The following PDE1A variants were observed in gnomAD, a reference collection of about 807,000 sequenced individuals.
PDE1A encodes the protein phosphodiesterase 1A.
PDE1A carries 35 observed loss-of-function variants against 61.7 expected under a neutral mutation model. That is an observed-to-expected ratio of 0.57 (90% CI 0.43 to 0.75). The LOEUF (loss-of-function observed/expected upper bound fraction) is 0.75. Among genes scored for constraint, PDE1A ranks in the 30% least tolerant of loss-of-function variants. The probability of loss-of-function intolerance (pLI) is 0.00; values close to 1 mark genes in which losing one functional copy is unlikely to be tolerated. For synonymous variants in PDE1A, 232 were observed against 213.2 expected (o/e 1.09, Z -0.77); for missense variants, 597 against 630.6 (o/e 0.95, Z 0.57).
intron 3 of PDE1A, among the ~76,000 whole-genome samples, chr2:182,234,723 G>A (rs1653090193): frequency 6.6e-6 from 1 of 152,106 alleles, no homozygotes; most frequent in African/African-American, 2.4e-5. Context: ...CAAAATTAAT[G>A]TGACTTTAGT....
At chr2:182,449,073 CACACACACACACAA>C (rs1341875433) in intron 2 of PDE1A, among the ~76,000 whole-genome samples, 2 of 150,968 alleles carry the variant, frequency 1.3e-5, no homozygotes, top group African/African-American at 4.9e-5. Context: ...CACACACACA[CACACACACACACAA>C]ACAAAACCCA....
chr2:182,479,601 G>A (rs1488148831), intron 2 of PDE1A, among the ~76,000 whole-genome samples: 2 of 151,372 alleles, frequency 1.3e-5, no homozygotes, highest in Non-Finnish European at 3.0e-5. Context: ...AGTCCTAAAG[G>A]ATAAAAATGC....
the PDE1A span, among the ~76,000 whole-genome samples, chr2:182,707,322 A>C: frequency 6.6e-6 from 1 of 152,138 alleles, no homozygotes; most frequent in Non-Finnish European, 1.5e-5. Context: ...CAAACTAGAA[A>C]AGAGAAAAAT....
At chr2:182,493,231 A>T in intron 2 of PDE1A, among the ~76,000 whole-genome samples, 1 of 46,366 alleles carries the variant, frequency 2.2e-5, no homozygotes. Flanking sequence ...TTCTCGACTA[A>T]CTTTTTTTTT....
At chr2:182,430,411 C>A (rs1703874112), upstream of PDE1A, among the ~76,000 whole-genome samples, 1 of 88,280 alleles carries the variant, frequency 1.1e-5, no homozygotes, top group East Asian at 3.0e-4. Context: ...TATGAGATAT[C>A]ATCTCACACC....
At chr2:182,192,990 GT>G (rs1372413672) in intron 10 of PDE1A, among the ~76,000 whole-genome samples, 1 of 151,770 alleles carries the variant, frequency 6.6e-6, no homozygotes, top group African/African-American at 2.4e-5. Flanking sequence ...CTTTGTTTTT[GT>G]TTTTCTTTTT....
chr2:182,433,261 C>T lies in PDE1A; in HGVS notation c.101+89015G>A, dbSNP rs182473751. On this transcript the variant is annotated intron_variant, in intron 2 of 14. Coordinates refer to the PDE1A transcript ENST00000410103. ...TAACTCACTAAATCACAGCAAAATT[C>T]ACTCTGCTTTAGCTTTTCACTTTCA... Among the ~76,000 whole-genome samples, 19 of 152,226 alleles carry T rather than the reference C, an allele frequency of 1.2e-4. 1 individual carries two copies. The highest frequency in any genetic ancestry group is 1.2e-3 in the South Asian group (6 of 4,822).
intron 7 of PDE1A, among the ~76,000 whole-genome samples, chr2:182,212,744 C>T (rs554239784): frequency 2.6e-5 from 4 of 152,288 alleles, no homozygotes; most frequent in Non-Finnish European, 4.4e-5. Context: ...GATTATATCC[C>T]GCACCTGGCT....
chr2:182,202,265 TAAG>T (rs1423994380), intron 8 of PDE1A, among the ~76,000 whole-genome samples: 4 of 152,180 alleles, frequency 2.6e-5, no homozygotes, highest in Admixed American at 6.5e-5. Context: ...GAGACAGAGA[TAAG>T]AAGAGCATGA....
intron 1 of PDE1A, among the ~76,000 whole-genome samples, chr2:182,416,239 T>A (rs1373446070): frequency 6.6e-6 from 1 of 152,198 alleles, no homozygotes; most frequent in Non-Finnish European, 1.5e-5. Flanking sequence ...TGTTTAACTG[T>A]CTATTTCTCA....
At chr2:182,205,872 G>T in intron 8 of PDE1A, 68 bp downstream of exon 8, 4 of 1,389,602 alleles carry the variant, frequency 2.9e-6, no homozygotes, top group Admixed American at 2.1e-5. Context: ...CTTTTTTCTT[G>T]ACTTTAAATC....
chr2:182,575,931 T>TA, the PDE1A span, among the ~76,000 whole-genome samples: 94 of 146,760 alleles, frequency 6.4e-4, no homozygotes, highest in African/African-American at 2.3e-3. Context: ...TATTATACTA[T>TA]ATATAGTATT....
intron 1 of PDE1A, among the ~76,000 whole-genome samples, chr2:182,277,380 C>T (rs1007899625): frequency 5.9e-5 from 9 of 152,046 alleles, no homozygotes; most frequent in African/African-American, 1.7e-4. Context: ...TGAAATATTG[C>T]GGGCGGGTTC....
chr2:182,599,664 C>A, the PDE1A span, among the ~76,000 whole-genome samples: 1 of 151,770 alleles, frequency 6.6e-6, no homozygotes, highest in Non-Finnish European at 1.5e-5. Context: ...ACAGAATGCC[C>A]CCACTAGATT....
intron 2 of PDE1A, among the ~76,000 whole-genome samples, chr2:182,257,840 AC>A (rs977637436): frequency 6.6e-6 from 1 of 152,064 alleles, no homozygotes; most frequent in African/African-American, 2.4e-5. Flanking sequence ...TTGATAAGGG[AC>A]CTCTATGAAA....
the PDE1A span, among the ~76,000 whole-genome samples, chr2:182,612,710 C>T: frequency 2.6e-5 from 4 of 152,124 alleles, no homozygotes; most frequent in African/African-American, 7.2e-5. Flanking sequence ...AAAAAGTAGG[C>T]GCATGATATT....
chr2:182,231,169 CA>C, intron 4 of PDE1A, 38 bp from the exon 5 acceptor site: 1 of 990,900 alleles, frequency 1.0e-6, no homozygotes, highest in Non-Finnish European at 1.6e-6. Context: ...GTGCCAATAT[CA>C]TACTGTTTCT....
intron 2 of PDE1A, among the ~76,000 whole-genome samples, chr2:182,506,852 G>A (rs1689443644): frequency 6.6e-6 from 1 of 152,172 alleles, no homozygotes; most frequent in East Asian, 1.9e-4. Flanking sequence ...AGGGTAACAG[G>A]ATATGAACCA....
chr2:182,185,839 A>G (rs767753797), intron 13 of PDE1A, 53 bp downstream of exon 13: 43 of 1,610,764 alleles, frequency 2.7e-5, no homozygotes, highest in Non-Finnish European at 3.5e-5. Context: ...AAACTCTTAG[A>G]GGAGAAGTGA....
Sources: allele counts gnomAD v4.1 joint callset (sites outside exome capture counted in the v4.1 genomes callset), GRCh38; gene constraint gnomAD v4.1.1; transcripts MANE v1.5; gene names NCBI Gene and HGNC (gene_info 2026-07-23, HGNC 2026-07-21).